The following SEPTIN10 variants were observed in gnomAD, a reference collection of about 807,000 sequenced individuals.
SEPTIN10 encodes the protein septin 10.
SEPTIN10 carries 66 observed loss-of-function variants against 54.8 expected under a neutral mutation model. The ratio of observed to expected loss-of-function variants is 1.21; its 90% CI spans 0.99 to 1.48. SEPTIN10 has a LOEUF of 1.48. Ranked by LOEUF, SEPTIN10 falls within the 40% of genes most tolerant of loss-of-function variation. SEPTIN10 has a pLI of 0.00. For missense variants in SEPTIN10, 620 were observed against 545.6 expected, an observed-to-expected ratio of 1.14 and a Z score of -1.36; for synonymous variants, 161 against 181.0, an observed-to-expected ratio of 0.89 and a Z score of 0.89.
rs1162741860 is a variant in SEPTIN10 at position 109,613,797 on chromosome 2, C to A, written c.30+1G>T. ...GGGGCCCCGGCGTCGGCGGGACTCACCAGGTGCCGCGCCACCTCGGAGGAG... is the reference window on the plus strand; with the variant it reads ...GGGGCCCCGGCGTCGGCGGGACTCAACAGGTGCCGCGCCACCTCGGAGGAG... On this transcript the variant is annotated splice_donor_variant, in intron 1 of 10. Transcript: ENST00000397712. LOFTEE classifies it high-confidence loss of function. 1.6e-6 allele frequency: 2 copies of A among 1,231,854 alleles called. No homozygotes were observed. Among genetic ancestry groups the A allele is most frequent in the Admixed American group, 4.2e-5 (1 of 23,668 alleles). The allele number at this position is 1,231,854 out of a possible 1,614,324, so 76.3% of individuals were successfully genotyped here.
At chr2:109,590,378 C>T (rs796237514) in intron 2 of SEPTIN10, among the ~76,000 whole-genome samples, 3 of 151,602 alleles carry the variant, frequency 2.0e-5, no homozygotes, top group Admixed American at 6.6e-5. Context: ...AGTCAGTCTT[C>T]GGAAGGGAGA....
intron 1 of SEPTIN10, among the ~76,000 whole-genome samples, chr2:109,594,382 C>G (rs75796648): frequency 1.5e-4 from 23 of 152,222 alleles, no homozygotes; most frequent in Admixed American, 9.2e-4. Context: ...CAGACCCTTA[C>G]GCATCCTTCC....
At chr2:109,549,505 G>A (rs753870364) in intron 9 of SEPTIN10, among the ~76,000 whole-genome samples, 11 of 152,162 alleles carry the variant, frequency 7.2e-5, no homozygotes, top group Non-Finnish European at 1.5e-4. Flanking sequence ...TACACATGAA[G>A]CATGCATTCA....
Position 109,585,108 on chromosome 2 carries a change from CAAG to C in SEPTIN10, c.413+15_413+17del. ...GAAATAAGAAAAACTTGTTTTATTA[CAAG>C]AAGAAAACACATACCTCTCTTCTTT... On this transcript the variant is annotated intron_variant, in intron 4 of 10. Coordinates refer to ENST00000397712, the MANE Select transcript of SEPTIN10 (RefSeq NM_144710.5). 1 of 1,472,052 alleles carries C rather than the reference CAAG, an allele frequency of 6.8e-7. No homozygotes were observed. 91.2% of individuals were successfully genotyped at this position (1,472,052 alleles called of 1,614,324 possible).
chr2:109,597,263 G>T (rs1348697641), intron 1 of SEPTIN10, among the ~76,000 whole-genome samples: 4 of 152,156 alleles, frequency 2.6e-5, no homozygotes, highest in Admixed American at 2.0e-4. Context: ...TAATAAATTA[G>T]CAGGAAAAGT....
At chr2:109,556,572 A>G (rs1179484911) in intron 8 of SEPTIN10, among the ~76,000 whole-genome samples, 3 of 152,284 alleles carry the variant, frequency 2.0e-5, no homozygotes, top group Admixed American at 2.0e-4. Context: ...GAGATTACAA[A>G]TGTGCAAAAT....
rs576348504 is a variant in SEPTIN10, at chr2:109,545,459, C to G, written c.1349+591G>C. The G allele has an allele frequency of 9.2e-5, 142 of 1,536,174 alleles. No individual in the cohort carries two copies. The African/African-American group carries it at 1.8e-3, about 19-fold the overall frequency. ...CCCCCTTGCACTGTGGCCCTCTCTA[C>G]CTTTCTCTGCGTCTTTACGTCCACC... On this transcript the variant is annotated intron_variant, in intron 10 of 10. Transcript: ENST00000397712.
At chr2:109,557,404 G>C (rs1303467330) in intron 8 of SEPTIN10, among the ~76,000 whole-genome samples, 1 of 152,098 alleles carries the variant, frequency 6.6e-6, no homozygotes, top group Non-Finnish European at 1.5e-5. Flanking sequence ...TGAAGAACAA[G>C]CCCTGACATT....
At chr2:109,552,862 G>A in intron 9 of SEPTIN10, 1 of 459,152 alleles carries the variant, frequency 2.2e-6, no homozygotes. Flanking sequence ...TCAACGATTA[G>A]TGACTCCATA....
rs189208696 is a variant in SEPTIN10 at position 109,587,433 on chromosome 2, A to T, written c.100-1595T>A. Reference sequence around the variant, plus strand: ...GGAATACAAGGAGAAAAGTTAGAGAAAGAGAGAAGGTGAAAGTGGGGGGTA... The same window carrying T: ...GGAATACAAGGAGAAAAGTTAGAGATAGAGAGAAGGTGAAAGTGGGGGGTA... On this transcript the variant is annotated intron_variant, in intron 2 of 10. Coordinates refer to ENST00000397712, the MANE Select transcript of SEPTIN10 (RefSeq NM_144710.5). Among the ~76,000 whole-genome samples the T allele has an allele frequency of 2.6e-4, 40 of 152,216 alleles. No individual in the cohort carries two copies. The East Asian group carries it at 7.7e-3, about 29-fold the overall frequency.
In SEPTIN10 at chr2:109,588,497, T is replaced by C. The variant is rs1047311099; in HGVS notation, c.100-2659A>G. 3.3e-5 allele frequency among the ~76,000 whole-genome samples: 5 copies of C among 152,116 alleles called. No individual in the cohort carries two copies. In the East Asian group the frequency reaches 7.7e-4, roughly 23 times the overall value. On this transcript the variant is annotated intron_variant, in intron 2 of 10. Coordinates refer to ENST00000397712, the MANE Select transcript of SEPTIN10 (RefSeq NM_144710.5). ...TACAGTATACATAAAGTGTTATATATACAAATTTTTTTTTAAGATGGAGTT... is the reference window on the plus strand; with the variant it reads ...TACAGTATACATAAAGTGTTATATACACAAATTTTTTTTTAAGATGGAGTT...
intron 1 of SEPTIN10, among the ~76,000 whole-genome samples, chr2:109,599,172 T>A (rs537927995): frequency 3.3e-5 from 5 of 151,560 alleles, no homozygotes; most frequent in East Asian, 1.9e-4. Flanking sequence ...AGAACTCAAG[T>A]GGAGGCCGGG....
At chr2:109,613,732 G>A (rs1045483986) in intron 1 of SEPTIN10, 66 bp downstream of exon 1, 3 of 1,082,790 alleles carry the variant, frequency 2.8e-6, no homozygotes, top group Non-Finnish European at 1.2e-6. Flanking sequence ...CCGGTGGGTC[G>A]AGGGCGGGAA....
At chr2:109,601,940 G>A (rs1004278583) in intron 1 of SEPTIN10, among the ~76,000 whole-genome samples, 8 of 152,120 alleles carry the variant, frequency 5.3e-5, no homozygotes, top group Non-Finnish European at 1.0e-4. Flanking sequence ...TATTCAGTCC[G>A]TCATATGGAA....
intron 1 of SEPTIN10, among the ~76,000 whole-genome samples, chr2:109,602,839 G>A (rs1229282525): frequency 6.8e-6 from 1 of 147,896 alleles, no homozygotes; most frequent in African/African-American, 2.5e-5. Flanking sequence ...AAAGGGGAAG[G>A]AAGAGAAATA....
intron 10 of SEPTIN10, 69 bp from the exon 11 acceptor site, chr2:109,544,393 C>T: frequency 1.3e-6 from 2 of 1,531,616 alleles, no homozygotes; most frequent in Non-Finnish European, 1.7e-6. Context: ...AGCAAACATG[C>T]ATCTAGTATA....
chr2:109,549,486 A>G (rs575010886), intron 9 of SEPTIN10, among the ~76,000 whole-genome samples: 2 of 152,302 alleles, frequency 1.3e-5, no homozygotes, highest in African/African-American at 4.8e-5. Flanking sequence ...GCTATCAACA[A>G]CTATTCCATA....
chr2:109,564,226 T>C, intron 8 of SEPTIN10, 140 bp downstream of exon 8: 1 of 719,836 alleles, frequency 1.4e-6, no homozygotes, highest in Non-Finnish European at 2.0e-6. Context: ...AGAAGCACAA[T>C]AATTAGTCAT....
intron 7 of SEPTIN10, 95 bp downstream of exon 7, chr2:109,565,668 C>A: frequency 9.3e-7 from 1 of 1,079,930 alleles, no homozygotes; most frequent in South Asian, 1.3e-5. Flanking sequence ...CAACCAATCA[C>A]ATCCAAACTA....
Sources: allele counts gnomAD v4.1 joint callset (sites outside exome capture counted in the v4.1 genomes callset), GRCh38; gene constraint gnomAD v4.1.1; transcripts MANE v1.5; gene names NCBI Gene and HGNC (gene_info 2026-07-23, HGNC 2026-07-21).